The following UGT1A8 variants were observed in gnomAD, a reference collection of about 807,000 sequenced individuals.
UGT1A8 encodes UDP glucuronosyltransferase family 1 member A8, also known as UDP-glucuronosyltransferase 1A8.
A neutral mutation model predicts 45.3 loss-of-function variants in UGT1A8; 39 were observed. That is an observed-to-expected ratio of 0.86 (90% CI 0.67 to 1.12). The LOEUF is 1.12. Among genes scored for constraint, UGT1A8 ranks in the 50% most tolerant of loss-of-function variants. The pLI is 0.00. For synonymous variants in UGT1A8, 275 were observed against 249.2 expected, an observed-to-expected ratio of 1.10 and a Z score of -0.97; for missense variants, 719 against 664.9, an observed-to-expected ratio of 1.08 and a Z score of -0.90.
intron 1 of UGT1A8, among the ~76,000 whole-genome samples, chr2:233,626,157 G>A (rs538796875): frequency 2.0e-5 from 3 of 152,018 alleles, no homozygotes; most frequent in South Asian, 2.1e-4. Context: ...TTTTCTCTTT[G>A]ATGTATTTAA....
At chr2:233,748,079 G>T in intron 1 of UGT1A8, 1 of 1,613,192 alleles carries the variant, frequency 6.2e-7, no homozygotes. Context: ...CACTATCTCA[G>T]GTCGGTGTTC....
At chr2:233,647,982 T>A in intron 1 of UGT1A8, 1 of 1,608,356 alleles carries the variant, frequency 6.2e-7, no homozygotes, top group Non-Finnish European at 8.5e-7. Flanking sequence ...AGAAACTCAT[T>A]CTCAGGGGGC....
intron 1 of UGT1A8, among the ~76,000 whole-genome samples, chr2:233,738,445 C>T (rs1322346055): frequency 2.6e-5 from 4 of 152,306 alleles, no homozygotes; most frequent in Non-Finnish European, 5.9e-5. Context: ...GCTCAGAAGA[C>T]AGGAAGATGT....
At chr2:233,698,869 C>T (rs746401126) in intron 1 of UGT1A8, among the ~76,000 whole-genome samples, 4 of 152,218 alleles carry the variant, frequency 2.6e-5, no homozygotes, top group Admixed American at 1.3e-4. Context: ...TGTGACTTTG[C>T]GACTTTGACC....
intron 1 of UGT1A8, among the ~76,000 whole-genome samples, chr2:233,730,665 G>A (rs752963850): frequency 1.3e-5 from 2 of 152,252 alleles, no homozygotes; most frequent in African/African-American, 4.8e-5. Flanking sequence ...AGTTCGGAAG[G>A]CAAAGTAATG....
intron 1 of UGT1A8, chr2:233,753,301 C>T (rs1695176725): frequency 6.6e-6 from 1 of 152,212 alleles, no homozygotes; most frequent in East Asian, 1.9e-4. Flanking sequence ...TGTGAGACCC[C>T]GTGTGCCCCT....
Position 233,618,537 on chromosome 2 carries a change from G to A in UGT1A8, c.830G>A (p.Cys277Tyr), listed in dbSNP as rs17863762. Residue 277 changes from cysteine to tyrosine, a missense_variant, in exon 1 of 5, where the codon TGC becomes TAC. By Grantham distance (194) the Cys-to-Tyr change is radical. Transcript: ENST00000373450. ...PNMIFIGGIN[C>Y]HQGKPLPMEF... ...ATGATCTTCATTGGTGGTATCAACT[G>A]CCATCAGGGAAAGCCATTGCCTATG... is the stretch of plus-strand genomic sequence containing the variant. 34,084 of 1,613,720 alleles carry A rather than the reference G, an allele frequency of 0.021. 504 individuals carry two copies. The highest frequency in any genetic ancestry group is 0.027 in the Non-Finnish European group (31,498 of 1,179,718).
At chr2:233,736,066 G>C (rs879273661) in intron 1 of UGT1A8, among the ~76,000 whole-genome samples, 5 of 152,156 alleles carry the variant, frequency 3.3e-5, no homozygotes, top group Non-Finnish European at 7.3e-5. Flanking sequence ...TGCCTTGCTA[G>C]GTTTGGGAAG....
At chr2:233,677,892 C>A (rs1290690935) in intron 1 of UGT1A8, among the ~76,000 whole-genome samples, 1 of 151,954 alleles carries the variant, frequency 6.6e-6, no homozygotes, top group African/African-American at 2.4e-5. Context: ...CAGCTCTATT[C>A]AGAATAGAAA....
At chr2:233,631,500 G>A (rs1020187014) in intron 1 of UGT1A8, among the ~76,000 whole-genome samples, 3 of 152,028 alleles carry the variant, frequency 2.0e-5, no homozygotes, top group Admixed American at 6.5e-5. Context: ...TCCAGCATAC[G>A]TTCTTTCCTG....
chr2:233,629,272 C>T (rs961122893), intron 1 of UGT1A8, among the ~76,000 whole-genome samples: 2 of 152,138 alleles, frequency 1.3e-5, no homozygotes, highest in Non-Finnish European at 2.9e-5. Flanking sequence ...AAGTTTCATT[C>T]ATGTTAGCAT....
intron 1 of UGT1A8, among the ~76,000 whole-genome samples, chr2:233,641,493 T>C (rs1296824142): frequency 1.3e-5 from 2 of 152,354 alleles, no homozygotes; most frequent in East Asian, 3.9e-4. Flanking sequence ...GTTATTATTT[T>C]TGATTTGTTC....
At chr2:233,663,510 G>T (rs1247102073) in intron 1 of UGT1A8, among the ~76,000 whole-genome samples, 1 of 152,088 alleles carries the variant, frequency 6.6e-6, no homozygotes, top group Admixed American at 6.6e-5. Flanking sequence ...CAAGGACAGG[G>T]TCTGCAAAAT....
Position 233,701,435 on chromosome 2 carries a change from C to T in UGT1A8, c.856-65599C>T, listed in dbSNP as rs1178941993. 5.3e-5 allele frequency among the ~76,000 whole-genome samples: 8 copies of T among 152,034 alleles called. 1 individual carries two copies. Among genetic ancestry groups the T allele is most frequent in the East Asian group, 1.9e-4 (1 of 5,192 alleles). On this transcript the variant is annotated intron_variant, in intron 1 of 4. Transcript: ENST00000373450. ...CCACTGTCAACATTAGACAGATCAA[C>T]GAGACAGAAAGTTAACAAGGATACC...
Position 233,662,817 on chromosome 2 carries a change from G to GTT in UGT1A8, c.855+44269_855+44270dup, listed in dbSNP as rs34052709. Among the ~76,000 whole-genome samples the GTT allele has an allele frequency of 9.6e-4, 134 of 139,362 alleles. No homozygotes were observed. The East Asian group carries it at 0.012, about 12-fold the overall frequency. 91.4% of individuals were successfully genotyped at this position (139,362 alleles called of 152,430 possible). Reference sequence around the variant, plus strand: ...CTCTTCTTTTCCTAGTTTGCTGAGAGTTTTTTTTTTTTTTTGTCAGATATG... The same window carrying GTT: ...CTCTTCTTTTCCTAGTTTGCTGAGAGTTTTTTTTTTTTTTTTTGTCAGATATG... On this transcript the variant is annotated intron_variant, in intron 1 of 4. Transcript: ENST00000373450.
rs67292694 is a variant in UGT1A8 at position 233,757,535 on chromosome 2, A to AATATATATAT, written c.856-9482_856-9473dup. Among the ~76,000 whole-genome samples the AATATATATAT allele has an allele frequency of 5.8e-3, 509 of 88,260 alleles. 17 individuals are homozygous for AATATATATAT. Among genetic ancestry groups the AATATATATAT allele is most frequent in the African/African-American group, 0.017 (333 of 19,902 alleles). The allele number at this position is 88,260 out of a possible 152,430, so 57.9% of individuals were successfully genotyped here. A position where few individuals can be genotyped will look rare whatever the true frequency, so the allele number is the denominator to read the frequency against. On this transcript the variant is annotated intron_variant, in intron 1 of 4. Coordinates refer to ENST00000373450, the MANE Select transcript of UGT1A8 (RefSeq NM_019076.5). ...CAAAGCCAAAATCTTGCCTGTAAGG[A>AATATATATAT]ATATATATATATATATATATATATA...
At chr2:233,620,004 G>C (rs2072971692) in intron 1 of UGT1A8, among the ~76,000 whole-genome samples, 1 of 152,128 alleles carries the variant, frequency 6.6e-6, no homozygotes, top group Non-Finnish European at 1.5e-5. Context: ...GCTAAATCCA[G>C]ATGAAACACC....
chr2:233,684,369 C>A (rs2074676819), intron 1 of UGT1A8, among the ~76,000 whole-genome samples: 1 of 152,204 alleles, frequency 6.6e-6, no homozygotes, highest in African/African-American at 2.4e-5. Flanking sequence ...CCCCTGTTTA[C>A]CCTCCATCAA....
chr2:233,744,073 C>G, intron 1 of UGT1A8: 1 of 475,704 alleles, frequency 2.1e-6, no homozygotes, highest in Non-Finnish European at 3.5e-6. Context: ...ATGAGCGCCT[C>G]GCATCCCAAG....
Sources: gnomAD v4.1 joint callset for allele counts (sites outside exome capture counted in the v4.1 genomes callset) on GRCh38, gnomAD v4.1.1 for gene constraint, MANE v1.5 for transcripts, NCBI Gene and HGNC (gene_info 2026-07-23, HGNC 2026-07-21) for gene names.